The following MECOM variants were observed in gnomAD, a reference collection of about 807,000 sequenced individuals.
The protein encoded by MECOM is histone-lysine N-methyltransferase MECOM.
Under a neutral mutation model 116.3 loss-of-function variants are expected in MECOM, and 13 were observed. The observed-to-expected ratio is 0.11, with a 90% CI of 0.07 to 0.18. MECOM has a LOEUF of 0.18. Ranked by LOEUF, MECOM falls within the 10% of genes least tolerant of loss-of-function variation. The pLI is 1.00. For missense variants in MECOM, 1,299 were observed against 1,509.0 expected, an observed-to-expected ratio of 0.86 and a Z score of 2.31; for synonymous variants, 528 against 535.2, an observed-to-expected ratio of 0.99 and a Z score of 0.19.
chr3:169,406,036 A>T (rs1333327856), intron 1 of MECOM, among the ~76,000 whole-genome samples: 1 of 152,196 alleles, frequency 6.6e-6, no homozygotes, highest in East Asian at 1.9e-4. Flanking sequence ...ATGGTTAGGT[A>T]ACACCACCCA....
intron 2 of MECOM, among the ~76,000 whole-genome samples, chr3:169,252,062 A>G (rs891119620): frequency 1.3e-5 from 2 of 152,176 alleles, no homozygotes; most frequent in East Asian, 3.8e-4. Flanking sequence ...GGTCATTTCA[A>G]TCGAATCAAA....
chr3:169,327,433 T>A (rs1354528376), intron 2 of MECOM, among the ~76,000 whole-genome samples: 1 of 151,288 alleles, frequency 6.6e-6, no homozygotes, highest in East Asian at 1.9e-4. Flanking sequence ...AGGTGAGGAG[T>A]TCGAGACCAG....
At chr3:169,464,493 G>A (rs1466874283) in intron 1 of MECOM, among the ~76,000 whole-genome samples, 1 of 151,498 alleles carries the variant, frequency 6.6e-6, no homozygotes, top group Non-Finnish European at 1.5e-5. Context: ...AAAGCACCAC[G>A]GACCCTCATT....
At chr3:169,358,854 G>T (rs1727739902) in intron 2 of MECOM, among the ~76,000 whole-genome samples, 1 of 151,760 alleles carries the variant, frequency 6.6e-6, no homozygotes. Context: ...CAGAATCTTG[G>T]TGAGGAACAG....
intron 1 of MECOM, among the ~76,000 whole-genome samples, chr3:169,589,294 CA>C (rs1362570115): frequency 6.6e-6 from 1 of 152,018 alleles, no homozygotes; most frequent in Non-Finnish European, 1.5e-5. Flanking sequence ...CACAGAGACA[CA>C]AGGCTTTGCA....
intron 2 of MECOM, among the ~76,000 whole-genome samples, chr3:169,369,471 C>T (rs1729733362): frequency 6.6e-6 from 1 of 150,610 alleles, no homozygotes; most frequent in Non-Finnish European, 1.5e-5. Context: ...CTCAGTCTCC[C>T]AAGTAGCTGG....
intron 1 of MECOM, among the ~76,000 whole-genome samples, chr3:169,452,275 G>C (rs978973058): frequency 6.6e-5 from 10 of 151,888 alleles, no homozygotes; most frequent in Non-Finnish European, 1.5e-4. Context: ...GGAAACACAC[G>C]CCTTTCCCTT....
chr3:169,656,925 T>G (rs768911059), intron 1 of MECOM, among the ~76,000 whole-genome samples: 5 of 152,256 alleles, frequency 3.3e-5, no homozygotes, highest in Admixed American at 2.6e-4. Context: ...TATGGATGTT[T>G]AAATGCTGAA....
intron 1 of MECOM, among the ~76,000 whole-genome samples, chr3:169,575,167 C>T (rs1277587164): frequency 6.6e-6 from 1 of 152,154 alleles, no homozygotes; most frequent in East Asian, 1.9e-4. Context: ...AACCTTCAAA[C>T]ATAAAAAGCA....
intron 2 of MECOM, among the ~76,000 whole-genome samples, chr3:169,314,519 C>T (rs1224054231): frequency 1.3e-5 from 2 of 152,188 alleles, no homozygotes; most frequent in Non-Finnish European, 2.9e-5. Flanking sequence ...CCAATTTTTA[C>T]ACTGATTTTC....
chr3:169,088,860 G>T, intron 16 of MECOM, 140 bp downstream of exon 16: 1 of 685,244 alleles, frequency 1.5e-6, no homozygotes, highest in South Asian at 3.5e-5. Context: ...GTAAAGATAT[G>T]AACATTTTTA....
At chr3:169,576,527 G>C (rs1184318024) in intron 1 of MECOM, among the ~76,000 whole-genome samples, 1 of 152,016 alleles carries the variant, frequency 6.6e-6, no homozygotes, top group African/African-American at 2.4e-5. Context: ...ATTAAACATG[G>C]CCTTCCTCAA....
chr3:169,471,272 A>G (rs1749186504), intron 1 of MECOM, among the ~76,000 whole-genome samples: 1 of 152,002 alleles, frequency 6.6e-6, no homozygotes, highest in African/African-American at 2.4e-5. Flanking sequence ...GGTTACAGGC[A>G]TGAGCCACCA....
intron 2 of MECOM, among the ~76,000 whole-genome samples, chr3:169,189,775 C>T (rs1300480152): frequency 2.0e-5 from 3 of 152,086 alleles, no homozygotes; most frequent in Non-Finnish European, 4.4e-5. Context: ...TTCTCTCTCT[C>T]TCTTTCACTC....
chr3:169,407,631 A>C (rs2108435242), intron 1 of MECOM, among the ~76,000 whole-genome samples: 1 of 152,328 alleles, frequency 6.6e-6, no homozygotes, highest in South Asian at 2.1e-4. Context: ...CCTCAAACTA[A>C]TTGTAAAATA....
At chr3:169,491,934 T>C (rs1193728660) in intron 1 of MECOM, among the ~76,000 whole-genome samples, 1 of 152,236 alleles carries the variant, frequency 6.6e-6, no homozygotes, top group African/African-American at 2.4e-5. Flanking sequence ...ATTTTTGCTA[T>C]ATTTTGCCTT....
At chr3:169,218,168 A>G (rs942147494) in intron 2 of MECOM, among the ~76,000 whole-genome samples, 1 of 152,152 alleles carries the variant, frequency 6.6e-6, no homozygotes, top group African/African-American at 2.4e-5. Context: ...CTTTTAAAAT[A>G]AATTAGGTTT....
intron 1 of MECOM, among the ~76,000 whole-genome samples, chr3:169,582,835 C>T (rs1040228903): frequency 6.6e-6 from 1 of 152,196 alleles, no homozygotes; most frequent in Non-Finnish European, 1.5e-5. Context: ...ACTGACTATT[C>T]ATGATTTAAA....
chr3:169,658,746 TCTTGGGAACAGGGCTCTGGGTGC>T (rs2110118363), intron 1 of MECOM, among the ~76,000 whole-genome samples: 1 of 152,264 alleles, frequency 6.6e-6, no homozygotes, highest in Admixed American at 6.5e-5. Context: ...AGGGCTCAGC[TCTTGGGAACAGGGCTCTGGGTGC>T]CTTGGGAACA....
Sources: allele counts gnomAD v4.1 joint callset (sites outside exome capture counted in the v4.1 genomes callset), GRCh38; gene constraint gnomAD v4.1.1; transcripts MANE v1.5; gene names NCBI Gene and HGNC (gene_info 2026-07-23, HGNC 2026-07-21).